Variants in PTPMT1 observed in about 807,000 individuals in gnomAD.
PTPMT1 encodes protein tyrosine phosphatase mitochondrial 1.
PTPMT1 carries 12 observed loss-of-function variants against 17.8 expected under a neutral mutation model. The observed-to-expected ratio is 0.67, with a 90% CI of 0.43 to 1.09. The LOEUF is 1.09. Ranked by LOEUF, PTPMT1 falls within the 50% of genes least tolerant of loss-of-function variation. The pLI, the probability that PTPMT1 is intolerant of heterozygous loss-of-function variation, is 0.00. For synonymous variants in PTPMT1, 132 were observed against 116.8 expected, an observed-to-expected ratio of 1.13 and a Z score of -0.84; for missense variants, 262 against 266.0, an observed-to-expected ratio of 0.99 and a Z score of 0.10.
At chr11:47,568,660 G>C (rs2097247692) in intron 2 of PTPMT1, among the ~76,000 whole-genome samples, 1 of 151,958 alleles carries the variant, frequency 6.6e-6, no homozygotes, top group Non-Finnish European at 1.5e-5. Flanking sequence ...CTCTGACCTG[G>C]GTGACATAGC....
intron 2 of PTPMT1, among the ~76,000 whole-genome samples, chr11:47,568,060 C>A (rs2097247287): frequency 6.6e-6 from 1 of 152,218 alleles, no homozygotes; most frequent in East Asian, 1.9e-4. Context: ...GCTGGGACTA[C>A]AGGCGCCTGC....
chr11:47,565,774 C>A lies in PTPMT1; in HGVS notation c.152C>A (p.Pro51Gln). The A allele has an allele frequency of 1.3e-6, 2 of 1,593,506 alleles. No individual in the cohort carries two copies. Among genetic ancestry groups the A allele is most frequent in the Non-Finnish European group, 1.7e-6 (2 of 1,171,338 alleles). Residue 51 changes from proline (P) to glutamine (Q), a missense_variant, in exon 1 of 4, where the codon CCG becomes CAG. Coordinates refer to ENST00000326674, the MANE Select transcript of PTPMT1 (RefSeq NM_175732.3). ...CCCACCGTGCTGCTGGGCGCGCTGCCGTTGCGGAGCTTGACGCGCCAGGTG... is the reference window on the plus strand; with the variant it reads ...CCCACCGTGCTGCTGGGCGCGCTGCAGTTGCGGAGCTTGACGCGCCAGGTG... Reference protein sequence around the residue: ...IDPTVLLGALPLRSLTRQLVQ... With the variant: ...IDPTVLLGALQLRSLTRQLVQ...
Position 47,572,964 on chromosome 11 carries a change from A to C in PTPMT1, c.*1335A>C. ...CACAAACTGCAAATTGGTAAGCAGCACCTTAATACCTCTTGTGACAGTTAC... is the reference window on the plus strand; with the variant it reads ...CACAAACTGCAAATTGGTAAGCAGCCCCTTAATACCTCTTGTGACAGTTAC... On this transcript the variant is annotated 3_prime_UTR_variant, in exon 4 of 4. Coordinates refer to ENST00000326674, the MANE Select transcript of PTPMT1 (RefSeq NM_175732.3). 6.2e-7 allele frequency: 1 copy of C among 1,614,142 alleles called. No individual in the cohort carries two copies. The highest frequency in any genetic ancestry group is 8.5e-7 in the Non-Finnish European group (1 of 1,180,002).
In PTPMT1 at chr11:47,571,471, G is replaced by C. The variant is rs773159163; in HGVS notation, c.448G>C (p.Val150Leu). ...CTGATTTCCCAACCCTGTACTTCAG[G>C]TGCACAAATGGAGTCCAGAGGAGGC... ...ATMVAAYLIQ[V>L]HKWSPEEAVR... The change falls in exon 4 of 4, where the codon GTG becomes CTG. Residue 150 changes from valine (V) to leucine (L), a missense_variant and splice_region_variant. Val to Leu is a conservative substitution (Grantham distance 32, BLOSUM62 1). Coordinates refer to ENST00000326674, the MANE Select transcript of PTPMT1 (RefSeq NM_175732.3). The C allele has an allele frequency of 1.5e-5, 25 of 1,613,362 alleles. No individual in the cohort carries two copies. The South Asian group carries it at 2.4e-4, about 16-fold the overall frequency.
At chr11:47,570,186 C>CAAAA (rs548462674) in intron 3 of PTPMT1, among the ~76,000 whole-genome samples, 1 of 85,564 alleles carries the variant, frequency 1.2e-5, no homozygotes, top group African/African-American at 4.5e-5. Flanking sequence ...GAAACTGTCT[C>CAAAA]AAAAAAAAAA....
At chr11:47,566,063 G>A (rs944309334) in intron 2 of PTPMT1, 77 bp downstream of exon 2, 9 of 1,455,140 alleles carry the variant, frequency 6.2e-6, no homozygotes, top group Non-Finnish European at 8.2e-6. Context: ...GACGGCTAGA[G>A]AAGTGTGGGG....
In PTPMT1 at chr11:47,571,853, C is replaced by T. The variant is rs1378988172; in HGVS notation, c.*224C>T. ...TGGCTTGTATTCATGGGATACAGGA[C>T]AGGGATGGGGCTATCATCTTTTCTT... is the stretch of plus-strand genomic sequence containing the variant. On this transcript the variant is annotated 3_prime_UTR_variant, in exon 4 of 4. Transcript: ENST00000326674. The T allele has an allele frequency of 2.0e-6, 1 of 497,056 alleles. No individual in the cohort carries two copies. The highest frequency in any genetic ancestry group is 2.0e-5 in the African/African-American group (1 of 51,110). 30.8% of individuals were successfully genotyped at this position (497,056 alleles called of 1,614,324 possible). A position where few individuals can be genotyped will look rare whatever the true frequency, so the allele number is the denominator to read the frequency against.
Position 47,565,732 on chromosome 11 carries a change from G to T in PTPMT1, c.110G>T (p.Trp37Leu). 1 of 1,590,016 alleles carries T rather than the reference G, an allele frequency of 6.3e-7. No homozygotes were observed. Among genetic ancestry groups the T allele is most frequent in the African/African-American group, 1.4e-5 (1 of 73,894 alleles). The change falls in exon 1 of 4, where the codon TGG becomes TTG. Residue 37 changes from tryptophan (W) to leucine (L), a missense_variant. Transcript: ENST00000326674. ...GTGCCGGGTCGGGCGCACCGGGACTGGTACCACCGCATCGACCCCACCGTG... is the reference window on the plus strand; with the variant it reads ...GTGCCGGGTCGGGCGCACCGGGACTTGTACCACCGCATCGACCCCACCGTG... ...GKVPGRAHRD[W>L]YHRIDPTVLL... is the part of the protein sequence containing the mutation.
Position 47,573,002 on chromosome 11 carries a change from A to G in PTPMT1, c.*1373A>G, listed in dbSNP as rs1325299675. 2 of 1,614,182 alleles carry G rather than the reference A, an allele frequency of 1.2e-6. No individual in the cohort carries two copies. The highest frequency in any genetic ancestry group is 3.3e-5 in the Admixed American group (2 of 60,016). ...TTGTGACAGTTACGGCTGAAGTGGC[A>G]GGGTCAAGCTTGTAGGTGTTGGCAT... On this transcript the variant is annotated 3_prime_UTR_variant, in exon 4 of 4. Transcript: ENST00000326674. The surrounding 1 kb of genome is among the most constrained non-coding windows in gnomAD (Gnocchi z 4.1).
rs2097250012 is a variant in PTPMT1, at chr11:47,571,944, T to C, written c.*315T>C. ...TACCTAATATTGTGCCTAATAATAT[T>C]TAGCACCACAACTCAAAAAACATTT... On this transcript the variant is annotated 3_prime_UTR_variant, in exon 4 of 4. Coordinates refer to ENST00000326674, the MANE Select transcript of PTPMT1 (RefSeq NM_175732.3). 5.5e-6 allele frequency: 1 copy of C among 182,812 alleles called. No homozygotes were observed. Among genetic ancestry groups the C allele is most frequent in the Admixed American group, 6.1e-5 (1 of 16,412 alleles). The allele number at this position is 182,812 out of a possible 1,614,324, so 11.3% of individuals were successfully genotyped here.
rs771629395 is a variant in PTPMT1 at position 47,569,857 on chromosome 11, G to C, written c.413G>C (p.Arg138Thr). ...GTGCATTGTAAGGCTGGGCGCTCCA[G>C]GAGTGCCACTATGGTGGCAGCATAC... The part of the protein sequence containing the change: ...VYVHCKAGRS[R>T]SATMVAAYLI... Residue 138 changes from arginine (R) to threonine (T), a missense_variant, in exon 3 of 4, where the codon AGG becomes ACG. Physicochemically the swap from Arg to Thr is moderately conservative, Grantham distance 71 (BLOSUM62 -1). Transcript: ENST00000326674. 4 of 1,613,528 alleles carry C rather than the reference G, an allele frequency of 2.5e-6. No homozygotes were observed. In the Admixed American group the frequency reaches 6.7e-5, roughly 27 times the overall value.
At chr11:47,565,829 C>T (rs1356052415) in intron 1 of PTPMT1, 33 bp downstream of exon 1, 6 of 1,592,596 alleles carry the variant, frequency 3.8e-6, no homozygotes, top group East Asian at 4.6e-5. Flanking sequence ...GGCCCCTGCC[C>T]CGTCCCCGCC....
rs1430254712 is a variant in PTPMT1, at chr11:47,572,168, C to G, written c.*539C>G. The G allele has an allele frequency of 6.5e-6, 1 of 152,942 alleles. No homozygotes were observed. Among genetic ancestry groups the G allele is most frequent in the Non-Finnish European group, 1.5e-5 (1 of 68,402 alleles). The allele number at this position is 152,942 out of a possible 1,614,324, so 9.5% of individuals were successfully genotyped here. ...AACACCCTCACCCCTTCAAAGTCAC[C>G]CCTTTGGAATTCAACACAGACACAC... On this transcript the variant is annotated 3_prime_UTR_variant, in exon 4 of 4. Coordinates refer to ENST00000326674, the MANE Select transcript of PTPMT1 (RefSeq NM_175732.3).
chr11:47,570,100 A>C (rs1004646669), intron 3 of PTPMT1, among the ~76,000 whole-genome samples: 2 of 149,366 alleles, frequency 1.3e-5, no homozygotes, highest in African/African-American at 4.9e-5. Context: ...GCTGAGATGG[A>C]TCACCGGAGC....
Position 47,570,648 on chromosome 11 carries a change from A to T in PTPMT1, c.447+757A>T, listed in dbSNP as rs572322829. Among the ~76,000 whole-genome samples, 10 of 152,312 alleles carry T rather than the reference A, an allele frequency of 6.6e-5. No individual in the cohort carries two copies. In the South Asian group the frequency reaches 2.1e-3, roughly 32 times the overall value. On this transcript the variant is annotated intron_variant, in intron 3 of 3. Transcript: ENST00000326674. ...CAAGTATTCCAGAGTAAAGTTCTGG[A>T]TATTAGTTTCTGGAAACAGGCTCCA...
chr11:47,573,042 C>G lies in PTPMT1; in HGVS notation c.*1413C>G. 6.2e-7 allele frequency: 1 copy of G among 1,614,148 alleles called. No individual in the cohort carries two copies. Among genetic ancestry groups the G allele is most frequent in the Non-Finnish European group, 8.5e-7 (1 of 1,180,034 alleles). ...GGTGTTGGCATCCCCCTTTTTATAT[C>G]GGTCCCGGAAGACATAGATGCTCCC... On this transcript the variant is annotated 3_prime_UTR_variant, in exon 4 of 4. Coordinates refer to ENST00000326674, the MANE Select transcript of PTPMT1 (RefSeq NM_175732.3). The surrounding 1 kb of genome is among the most constrained non-coding windows in gnomAD (Gnocchi z 4.1).
chr11:47,566,116 C>T (rs1598775385), intron 2 of PTPMT1, 130 bp downstream of exon 2: 34 of 1,050,768 alleles, frequency 3.2e-5, no homozygotes, highest in Non-Finnish European at 4.5e-5. Flanking sequence ...AGCTGCTTTG[C>T]CTCCGGTCTG....
Position 47,573,389 on chromosome 11 carries a change from C to T in PTPMT1, c.*1760C>T, listed in dbSNP as rs2097253271. 1.2e-6 allele frequency: 2 copies of T among 1,614,212 alleles called. No individual in the cohort carries two copies. Among genetic ancestry groups the T allele is most frequent in the Non-Finnish European group, 1.7e-6 (2 of 1,180,032 alleles). The stretch of plus-strand genomic sequence containing the variant: ...TGGCACCAGCAGCCCCTGACACAGC[C>T]ACCTCTAGCTGAGTTGTCTCTGTCC... On this transcript the variant is annotated 3_prime_UTR_variant, in exon 4 of 4. Coordinates refer to ENST00000326674, the MANE Select transcript of PTPMT1 (RefSeq NM_175732.3). The surrounding 1 kb of genome is among the most constrained non-coding windows in gnomAD (Gnocchi z 4.1).
At position 47,573,434 on chromosome 11, in the gene PTPMT1, A is replaced by G; in HGVS notation, c.*1805A>G. On this transcript the variant is annotated 3_prime_UTR_variant, in exon 4 of 4. Coordinates refer to ENST00000326674, the MANE Select transcript of PTPMT1 (RefSeq NM_175732.3). This position sits in a 1 kb window ranked among gnomAD's most constrained non-coding sequence, Gnocchi z 4.1. ...CTGTCCACACATTATCACCTACGCG[A>G]TAATAAATGACTGCGTTGGAGAGGG... 6.2e-7 allele frequency: 1 copy of G among 1,614,178 alleles called. No individual in the cohort carries two copies. Among genetic ancestry groups the G allele is most frequent in the Non-Finnish European group, 8.5e-7 (1 of 1,180,028 alleles).
Sources: allele counts gnomAD v4.1 joint callset (sites outside exome capture counted in the v4.1 genomes callset), GRCh38; gene constraint gnomAD v4.1.1; non-coding constraint Gnocchi (gnomAD v3.1); transcripts MANE v1.5; gene names NCBI Gene and HGNC (gene_info 2026-07-23, HGNC 2026-07-21).